The following SFMBT2 variants were observed in gnomAD, a reference collection of about 807,000 sequenced individuals.
SFMBT2 encodes the protein scm-like with four MBT domains protein 2.
SFMBT2 carries 38 observed loss-of-function variants against 110.1 expected under a neutral mutation model. The observed-to-expected ratio is 0.35, with a 90% confidence interval of 0.27 to 0.45. The LOEUF is 0.45. Ranked by LOEUF, SFMBT2 falls within the 20% of genes least tolerant of loss-of-function variation. The pLI is 1.00. For synonymous variants in SFMBT2, 425 were observed against 425.4 expected (o/e 1.00, Z 0.01); for missense variants, 1,011 against 1,094.9 (o/e 0.92, Z 1.08).
chr10:7,204,529 G>T (rs933573169), intron 12 of SFMBT2: 3 of 948,714 alleles, frequency 3.2e-6, no homozygotes, highest in South Asian at 9.7e-5. Flanking sequence ...GATTTATTAG[G>T]TTAGAAGATT....
In SFMBT2 at chr10:7,172,580, G is replaced by GCGGGTTTGGGGTGTCCGCTGT; in HGVS notation, c.2045_2065dup (p.Asp682_Pro688dup). 3 of 1,614,224 alleles carry GCGGGTTTGGGGTGTCCGCTGT rather than the reference G, an allele frequency of 1.9e-6. No individual in the cohort carries two copies. The South Asian group carries it at 3.3e-5, about 18-fold the overall frequency. On this transcript the variant is annotated inframe_insertion, in exon 18 of 21. Transcript: ENST00000397167. This position sits in a 1 kb window ranked among gnomAD's most constrained non-coding sequence, Gnocchi z 4.6. ...GGATTTCCGTCGCTTCCTCCGCCTG[G>GCGGGTTTGGGGTGTCCGCTGT]CGGGTTTGGGGTGTCCGCTGTCGGG...
intron 9 of SFMBT2, among the ~76,000 whole-genome samples, chr10:7,234,213 A>AAAAC (rs35615159): frequency 8.6e-5 from 13 of 152,042 alleles, no homozygotes; most frequent in Admixed American, 5.2e-4. Context: ...GTGCAGGAAA[A>AAAAC]AAACAAACAA....
chr10:7,199,950 A>G (rs541286553), intron 14 of SFMBT2, among the ~76,000 whole-genome samples: 1 of 152,372 alleles, frequency 6.6e-6, no homozygotes, highest in South Asian at 2.1e-4. Flanking sequence ...ACACATTAAA[A>G]AACATATATT....
intron 4 of SFMBT2, among the ~76,000 whole-genome samples, chr10:7,366,946 G>T (rs1844926191): frequency 6.6e-6 from 1 of 152,190 alleles, no homozygotes; most frequent in Admixed American, 6.5e-5. Flanking sequence ...CCCCTGGGGG[G>T]TAAAACTGCC....
chr10:7,278,790 T>A (rs532649358), intron 6 of SFMBT2, among the ~76,000 whole-genome samples: 1 of 152,114 alleles, frequency 6.6e-6, no homozygotes, highest in African/African-American at 2.4e-5. Context: ...AGGGATGCCC[T>A]GAGACAGAAG....
intron 4 of SFMBT2, among the ~76,000 whole-genome samples, chr10:7,309,867 A>G (rs537732453): frequency 1.3e-5 from 2 of 152,264 alleles, no homozygotes; most frequent in East Asian, 1.9e-4. Context: ...ACCAGTAAAG[A>G]CCAAAAGACC....
chr10:7,321,480 C>T (rs1013465649), intron 4 of SFMBT2, among the ~76,000 whole-genome samples: 1 of 152,074 alleles, frequency 6.6e-6, no homozygotes, highest in South Asian at 2.1e-4. Flanking sequence ...GGATTACAGG[C>T]GTGAGCCACC....
chr10:7,280,571 T>C (rs1186100738), intron 6 of SFMBT2, among the ~76,000 whole-genome samples: 1 of 152,228 alleles, frequency 6.6e-6, no homozygotes, highest in Admixed American at 6.5e-5. Context: ...TAAACGACCC[T>C]AACCTCAATG....
intron 4 of SFMBT2, among the ~76,000 whole-genome samples, chr10:7,289,300 G>A (rs1393977957): frequency 6.6e-6 from 1 of 152,200 alleles, no homozygotes; most frequent in Non-Finnish European, 1.5e-5. Context: ...TCCACTACGG[G>A]AAGAAAGCTC....
At chr10:7,214,415 C>T (rs193015850) in intron 11 of SFMBT2, among the ~76,000 whole-genome samples, 1 of 152,308 alleles carries the variant, frequency 6.6e-6, no homozygotes, top group East Asian at 1.9e-4. Flanking sequence ...GAGAACTAAC[C>T]CACCTCCACC....
At chr10:7,234,555 T>A (rs1254976954) in intron 9 of SFMBT2, among the ~76,000 whole-genome samples, 1 of 152,158 alleles carries the variant, frequency 6.6e-6, no homozygotes, top group Non-Finnish European at 1.5e-5. Context: ...TCAGAAGTAT[T>A]TTCAGATATT....
intron 4 of SFMBT2, among the ~76,000 whole-genome samples, chr10:7,319,787 G>GA (rs1843118752): frequency 1.8e-5 from 2 of 109,772 alleles, no homozygotes; most frequent in African/African-American, 7.0e-5. Context: ...AGAGAGAGAG[G>GA]GAGAGACAGA....
intron 7 of SFMBT2, among the ~76,000 whole-genome samples, chr10:7,256,681 T>C (rs1489917700): frequency 2.0e-5 from 3 of 152,190 alleles, no homozygotes; most frequent in South Asian, 2.1e-4. Context: ...GTTATCGATG[T>C]TAACCAAGAC....
At position 7,172,756 on chromosome 10, in the gene SFMBT2, T is replaced by C; in HGVS notation, c.1985-95A>G. Reference sequence around the variant, plus strand: ...AGAAAGAAGGGAAACGATTCTTTCATCTGATAGTTCATTTGTGCCTTACGA... The same window carrying C: ...AGAAAGAAGGGAAACGATTCTTTCACCTGATAGTTCATTTGTGCCTTACGA... On this transcript the variant is annotated intron_variant, in intron 17 of 20. Coordinates refer to ENST00000397167, the MANE Select transcript of SFMBT2 (RefSeq NM_001387889.1). The surrounding 1 kb of genome is among the most constrained non-coding windows in gnomAD (Gnocchi z 4.6). The C allele has an allele frequency of 2.2e-6, 3 of 1,384,582 alleles. No homozygotes were observed. The highest frequency in any genetic ancestry group is 2.9e-5 in the South Asian group (2 of 69,788). The allele number at this position is 1,384,582 out of a possible 1,614,324, so 85.8% of individuals were successfully genotyped here.
At chr10:7,327,028 G>A (rs184851943) in intron 4 of SFMBT2, among the ~76,000 whole-genome samples, 23 of 150,918 alleles carry the variant, frequency 1.5e-4, no homozygotes, top group Admixed American at 7.9e-4. Flanking sequence ...GAAAAGCATC[G>A]TCTCCTCCCT....
intron 4 of SFMBT2, among the ~76,000 whole-genome samples, chr10:7,349,424 T>G (rs1452428431): frequency 1.4e-5 from 2 of 141,318 alleles, no homozygotes; most frequent in Non-Finnish European, 3.0e-5. Context: ...GCCCTGACTC[T>G]TTTTTCTTTT....
intron 1 of SFMBT2, among the ~76,000 whole-genome samples, chr10:7,383,419 G>A (rs1437986742): frequency 6.6e-6 from 1 of 152,206 alleles, no homozygotes; most frequent in African/African-American, 2.4e-5. Context: ...GGAAACTCAT[G>A]CCAGGAACAA....
intron 4 of SFMBT2, among the ~76,000 whole-genome samples, chr10:7,356,709 C>T (rs932526053): frequency 2.6e-5 from 4 of 152,310 alleles, no homozygotes; most frequent in Admixed American, 6.5e-5. Flanking sequence ...TGAGCCACGG[C>T]GCCCAGCCAG....
At chr10:7,342,756 T>G (rs1164658584) in intron 4 of SFMBT2, among the ~76,000 whole-genome samples, 1 of 152,138 alleles carries the variant, frequency 6.6e-6, no homozygotes, top group Non-Finnish European at 1.5e-5. Flanking sequence ...TATTAAAAAA[T>G]ATAATCACTC....
Sources: allele counts gnomAD v4.1 joint callset (sites outside exome capture counted in the v4.1 genomes callset), GRCh38; gene constraint gnomAD v4.1.1; non-coding constraint Gnocchi (gnomAD v3.1); transcripts MANE v1.5; gene names NCBI Gene and HGNC (gene_info 2026-07-23, HGNC 2026-07-21).